LPA: variants seen among roughly 807,000 people sequenced by gnomAD.
The protein encoded by LPA is lipoprotein(a).
A neutral mutation model predicts 197.9 loss-of-function variants in LPA; 199 were observed. That is an observed-to-expected ratio of 1.01 (90% confidence interval 0.90 to 1.13). LPA has a LOEUF of 1.13. Ranked by LOEUF, LPA falls within the 50% of genes most tolerant of loss-of-function variation. The pLI, the probability that LPA is intolerant of heterozygous loss-of-function variation, is 0.00. For missense variants in LPA, 1,853 were observed against 1,785.8 expected, an observed-to-expected ratio of 1.04 and a Z score of -0.68; for synonymous variants, 715 against 639.5, an observed-to-expected ratio of 1.12 and a Z score of -1.78.
intron 35 of LPA, 23 bp from the exon 36 acceptor site, chr6:160,540,206 G>A (rs372582388): frequency 1.2e-6 from 2 of 1,614,084 alleles, no homozygotes; most frequent in African/African-American, 2.7e-5. Context: ...AGGATGTCAA[G>A]AGAAAAATAT....
Position 160,605,099 on chromosome 6 carries a change from C to G in LPA, c.2892G>C (p.Trp964Cys). The G allele has an allele frequency of 6.2e-7, 1 of 1,613,888 alleles. No homozygotes were observed. ...TATGCGAGTGTGGTGTCATAGATGA[C>G]CAAGCTTGGCAGGTTCTTCCTGTGA... ...ITVTGRTCQA[W>C]SSMTPHSHSR... is the part of the protein sequence containing the mutation. The change falls in exon 18 of 39, where the codon TGG becomes TGC. Residue 964 changes from tryptophan to cysteine, a missense_variant. This residue lies in a region of LPA where 1,737 missense variants were observed against 1,504.4 expected (regional missense o/e 1.15). Transcript: ENST00000316300.
In LPA at chr6:160,547,784, C is replaced by T. The variant is rs1289274002; in HGVS notation, c.5304+5G>A. 3.7e-6 allele frequency: 6 copies of T among 1,613,866 alleles called. No homozygotes were observed. In the East Asian group the frequency reaches 1.1e-4, roughly 30 times the overall value. On this transcript the variant is annotated splice_donor_5th_base_variant and intron_variant, in intron 32 of 38. Coordinates refer to ENST00000316300, the MANE Select transcript of LPA (RefSeq NM_005577.4). ...GGAAAAAGAGTCCAAATCAAAGTGG[C>T]TTACATTTTTTTCCAGACCTGCCCA...
chr6:160,589,159 C>T (rs1034426983), intron 24 of LPA, among the ~76,000 whole-genome samples: 2 of 152,158 alleles, frequency 1.3e-5, no homozygotes, highest in Non-Finnish European at 2.9e-5. Context: ...TCACTTGTTA[C>T]CCAAGACAAA....
intron 16 of LPA, among the ~76,000 whole-genome samples, chr6:160,610,820 G>C (rs1779486548): frequency 2.0e-5 from 3 of 152,114 alleles, no homozygotes; most frequent in African/African-American, 4.8e-5. Flanking sequence ...CTATGGAGTT[G>C]AGCTCATCAT....
rs1052119979 is a variant in LPA, at chr6:160,591,663, C to T, written c.3630-562G>A. ...GTATGGTATAGCAATGGCTCCTCTC[C>T]CCTGTTACTTCAAATGGTGATGGTT... On this transcript the variant is annotated intron_variant, in intron 22 of 38. Coordinates refer to ENST00000316300, the MANE Select transcript of LPA (RefSeq NM_005577.4). 5.3e-5 allele frequency among the ~76,000 whole-genome samples: 8 copies of T among 152,166 alleles called. No homozygotes were observed. The East Asian group carries it at 1.3e-3, about 26-fold the overall frequency.
At chr6:160,563,271 T>C (rs1231076552) in intron 28 of LPA, among the ~76,000 whole-genome samples, 1 of 152,230 alleles carries the variant, frequency 6.6e-6, no homozygotes, top group Non-Finnish European at 1.5e-5. Flanking sequence ...ATTGTGTCTT[T>C]GTTCTCTTTG....
intron 21 of LPA, among the ~76,000 whole-genome samples, 196 bp downstream of exon 21, chr6:160,595,158 C>T (rs1779105862): frequency 6.6e-6 from 1 of 152,108 alleles, no homozygotes; most frequent in Non-Finnish European, 1.5e-5. Flanking sequence ...TAGATACCAC[C>T]CTTTCACAGG....
chr6:160,575,502 G>T (rs373572046), intron 28 of LPA, among the ~76,000 whole-genome samples: 2 of 152,168 alleles, frequency 1.3e-5, no homozygotes, highest in East Asian at 1.9e-4. Context: ...AAGAGGTTAA[G>T]CTTTCTTCTG....
At chr6:160,588,954 G>T (rs1207434079) in intron 24 of LPA, among the ~76,000 whole-genome samples, 2 of 152,194 alleles carry the variant, frequency 1.3e-5, no homozygotes, top group African/African-American at 2.4e-5. Context: ...CCAGACATGG[G>T]TTTCTGTCCA....
At chr6:160,568,788 G>A (rs927830486) in intron 28 of LPA, among the ~76,000 whole-genome samples, 1 of 152,198 alleles carries the variant, frequency 6.6e-6, no homozygotes, top group Non-Finnish European at 1.5e-5. Flanking sequence ...CTTCAGCAAA[G>A]TCTCAAGATA....
chr6:160,566,838 G>T (rs1778464746), intron 28 of LPA, among the ~76,000 whole-genome samples: 1 of 152,162 alleles, frequency 6.6e-6, no homozygotes, highest in Non-Finnish European at 1.5e-5. Context: ...AGCAGGGGTT[G>T]CAATCCTAGT....
intron 28 of LPA, among the ~76,000 whole-genome samples, chr6:160,575,069 A>T (rs1583589329): frequency 6.6e-6 from 1 of 152,180 alleles, no homozygotes; most frequent in Non-Finnish European, 1.5e-5. Flanking sequence ...CTGGCTTATA[A>T]AATTTTCCTA....
At chr6:160,556,751 T>C (rs1046509974) in intron 29 of LPA, among the ~76,000 whole-genome samples, 5 of 152,120 alleles carry the variant, frequency 3.3e-5, no homozygotes, top group Non-Finnish European at 7.3e-5. Context: ...TGTTCCAGCA[T>C]CCTGCATTGC....
rs755316629 is a variant in LPA at position 160,556,029 on chromosome 6, T to C, written c.4969A>G (p.Asn1657Asp). 20 of 1,601,438 alleles carry C rather than the reference T, an allele frequency of 1.2e-5. No homozygotes were observed. Among genetic ancestry groups the C allele is most frequent in the Non-Finnish European group, 1.6e-5 (19 of 1,168,918 alleles). ...CAAGTAACATCAAAGACATACTCAT[T>C]TGGGTAGTTTTCTGGGGTCCTCTGA... ...RHQRTPENYP[N>D]DGLTMNYCRN... Residue 1657 changes from asparagine (N) to aspartate (D), a missense_variant, in exon 30 of 39, where the codon AAT (asparagine) becomes GAT (aspartate). Coordinates refer to ENST00000316300, the MANE Select transcript of LPA (RefSeq NM_005577.4).
Position 160,586,470 on chromosome 6 carries a change from T to A in LPA, c.4108A>T (p.Thr1370Ser). ...TTACCTTCTTCAGAAGGAAGCTCTG[T>A]GCTTGGAACTGGGACCACCGTGGGA... The part of the protein sequence containing the change: ...TTPTVVPVPS[T>S]ELPSEEAPTE... Residue 1370 changes from threonine to serine, a missense_variant, in exon 25 of 39, where the codon ACA (threonine) becomes TCA (serine). Physicochemically the swap from Thr to Ser is moderately conservative, Grantham distance 58 (BLOSUM62 1). Transcript: ENST00000316300. The A allele has an allele frequency of 1.9e-6, 3 of 1,613,654 alleles. No individual in the cohort carries two copies. The South Asian group carries it at 3.3e-5, about 18-fold the overall frequency.
At chr6:160,532,676 G>A in intron 37 of LPA, 27 bp from the exon 38 acceptor site, 2 of 1,438,734 alleles carry the variant, frequency 1.4e-6, no homozygotes, top group Non-Finnish European at 2.0e-6. Context: ...GAAAGAAATG[G>A]TTACTGAGGC....
At position 160,653,995 on chromosome 6, in the gene LPA, AT is replaced by A. The variant is rs1161266997; in HGVS notation, c.50-3499del. The stretch of plus-strand genomic sequence containing the variant: ...ATATAATATATAATATATAATATAT[AT>A]TATATATAATATATATTATATATAA... On this transcript the variant is annotated intron_variant, in intron 1 of 38. Transcript: ENST00000316300. Among the ~76,000 whole-genome samples, 4 of 20,112 alleles carry A rather than the reference AT, an allele frequency of 2.0e-4. 1 individual carries two copies. The highest frequency in any genetic ancestry group is 3.2e-4 in the Non-Finnish European group (4 of 12,620). The allele number at this position is 20,112 out of a possible 152,430, so 13.2% of individuals were successfully genotyped here.
intron 1 of LPA, among the ~76,000 whole-genome samples, chr6:160,653,729 C>T (rs2115102567): frequency 6.7e-6 from 1 of 149,890 alleles, no homozygotes; most frequent in Non-Finnish European, 1.5e-5. Flanking sequence ...AGCCAATATC[C>T]TTGATGAACA....
chr6:160,595,871 A>G (rs1290855775), intron 20 of LPA, among the ~76,000 whole-genome samples: 2 of 152,208 alleles, frequency 1.3e-5, no homozygotes, highest in African/African-American at 2.4e-5. Flanking sequence ...ACATTGTACA[A>G]TGTTGTACAA....
Sources: gnomAD v4.1 joint callset for allele counts (sites outside exome capture counted in the v4.1 genomes callset) on GRCh38, gnomAD v4.1.1 for gene constraint, gnomAD v4.1.1 regional missense constraint, MANE v1.5 for transcripts, NCBI Gene and HGNC (gene_info 2026-07-23, HGNC 2026-07-21) for gene names.